Variants in CNOT6L observed in about 807,000 individuals in gnomAD.
CNOT6L encodes the protein CCR4-NOT transcription complex subunit 6-like.
CNOT6L carries 7 observed loss-of-function variants against 64.0 expected under a neutral mutation model. The ratio of observed to expected loss-of-function variants is 0.11; its 90% CI spans 0.06 to 0.21. CNOT6L has a LOEUF of 0.21. Among genes scored for constraint, CNOT6L ranks in the 10% least tolerant of loss-of-function variants. CNOT6L has a pLI of 1.00. For missense variants in CNOT6L, 245 were observed against 669.0 expected, an observed-to-expected ratio of 0.37 and a Z score of 6.99; for synonymous variants, 193 against 243.4, an observed-to-expected ratio of 0.79 and a Z score of 1.93.
intron 1 of CNOT6L, among the ~76,000 whole-genome samples, chr4:77,815,567 A>G (rs973202548): frequency 1.8e-4 from 28 of 152,166 alleles, no homozygotes; most frequent in African/African-American, 6.0e-4. Context: ...ATATGCTAAC[A>G]TCTAAAATAA....
intron 1 of CNOT6L, among the ~76,000 whole-genome samples, chr4:77,812,294 C>T (rs553547658): frequency 5.3e-5 from 8 of 151,698 alleles, no homozygotes; most frequent in African/African-American, 1.9e-4. Context: ...AGAAATTAGC[C>T]AGGCATGGTG....
chr4:77,818,470 C>A (rs1490916067), intron 1 of CNOT6L, among the ~76,000 whole-genome samples: 1 of 152,144 alleles, frequency 6.6e-6, no homozygotes, highest in Non-Finnish European at 1.5e-5. Flanking sequence ...ATCTTACCAA[C>A]GGCAAAGTAT....
chr4:77,803,339 T>C (rs1038831529), intron 1 of CNOT6L, among the ~76,000 whole-genome samples: 1 of 152,156 alleles, frequency 6.6e-6, no homozygotes, highest in Admixed American at 6.5e-5. Context: ...AAAATAAGCA[T>C]ACATCACACA....
chr4:77,772,238 CT>C lies in CNOT6L; in HGVS notation c.400+842del, dbSNP rs1460515178. On this transcript the variant is annotated intron_variant, in intron 4 of 11. Coordinates refer to ENST00000504123, the MANE Select transcript of CNOT6L (RefSeq NM_144571.3). Reference sequence around the variant, plus strand: ...AGACTATTATTAGGTAAAGTAATCCCTTTTTTTTCTTGAGACGGAGTTTCGC... The same window carrying C: ...AGACTATTATTAGGTAAAGTAATCCCTTTTTTTCTTGAGACGGAGTTTCGC... 2.6e-5 allele frequency among the ~76,000 whole-genome samples: 4 copies of C among 152,004 alleles called. No individual in the cohort carries two copies. The East Asian group carries it at 5.8e-4, about 22-fold the overall frequency.
chr4:77,788,323 A>C (rs1298264614), intron 1 of CNOT6L, among the ~76,000 whole-genome samples: 2 of 152,224 alleles, frequency 1.3e-5, no homozygotes, highest in African/African-American at 4.8e-5. Context: ...ACAAAATGAA[A>C]AGCAAGTAAA....
intron 1 of CNOT6L, among the ~76,000 whole-genome samples, chr4:77,787,557 A>G (rs1174445546): frequency 6.6e-6 from 1 of 152,218 alleles, no homozygotes; most frequent in Non-Finnish European, 1.5e-5. Context: ...CTCAGCATAC[A>G]CAATTATAAT....
Position 77,774,779 on chromosome 4 carries a change from A to G in CNOT6L, c.128-63T>C, listed in dbSNP as rs947070126. 2.3e-5 allele frequency: 24 copies of G among 1,047,010 alleles called. No individual in the cohort carries two copies. The South Asian group carries it at 2.9e-4, about 13-fold the overall frequency. The allele number at this position is 1,047,010 out of a possible 1,614,324, so 64.9% of individuals were successfully genotyped here. A position where few individuals can be genotyped will look rare whatever the true frequency, so the allele number is the denominator to read the frequency against. ...AGGCCCAAGATGACACCTAAACTAC[A>G]ACGACTGAAAAGTGGTAAGAGAGGC... On this transcript the variant is annotated intron_variant, in intron 2 of 11. Transcript: ENST00000504123.
intron 9 of CNOT6L, among the ~76,000 whole-genome samples, chr4:77,730,331 A>G (rs569808506): frequency 6.6e-6 from 1 of 152,118 alleles, no homozygotes; most frequent in African/African-American, 2.4e-5. Context: ...TGTCACTTTT[A>G]GCTATAGATT....
rs199615565 is a variant in CNOT6L, at chr4:77,819,355, G to C, written c.-47C>G. ...CAACAGCAGCCATTTCCCCGCGGCA[G>C]GGGAAACACACACACAAACACGCGC... On this transcript the variant is annotated 5_prime_UTR_variant, in exon 1 of 12. Transcript: ENST00000504123. The C allele has an allele frequency of 2.8e-5, 45 of 1,612,672 alleles. No individual in the cohort carries two copies. The Admixed American group carries it at 5.3e-4, about 19-fold the overall frequency.
At chr4:77,785,528 A>C (rs539975507) in intron 1 of CNOT6L, among the ~76,000 whole-genome samples, 1 of 152,312 alleles carries the variant, frequency 6.6e-6, no homozygotes, top group South Asian at 2.1e-4. Flanking sequence ...TGAAAAAAAA[A>C]CACTCCAGAA....
chr4:77,818,670 A>T (rs1733848598), intron 1 of CNOT6L, among the ~76,000 whole-genome samples: 1 of 152,090 alleles, frequency 6.6e-6, no homozygotes, highest in Non-Finnish European at 1.5e-5. Flanking sequence ...GCCTCTCAGG[A>T]GACGCGGAGG....
At chr4:77,743,517 T>TAA (rs1723827490) in intron 7 of CNOT6L, among the ~76,000 whole-genome samples, 1 of 144,536 alleles carries the variant, frequency 6.9e-6, no homozygotes, top group East Asian at 2.1e-4. Flanking sequence ...CTCTGTTACA[T>TAA]AAAAAAATTT....
At chr4:77,814,399 A>G (rs1041571888) in intron 1 of CNOT6L, among the ~76,000 whole-genome samples, 1 of 152,172 alleles carries the variant, frequency 6.6e-6, no homozygotes, top group African/African-American at 2.4e-5. Context: ...GTTGTCCAAA[A>G]AAAAGCAACC....
chr4:77,740,738 C>G (rs757298691), intron 8 of CNOT6L, among the ~76,000 whole-genome samples: 6 of 152,124 alleles, frequency 3.9e-5, no homozygotes, highest in Non-Finnish European at 5.9e-5. Context: ...GACTACATGC[C>G]GATGGTAGTC....
intron 10 of CNOT6L, among the ~76,000 whole-genome samples, chr4:77,727,479 T>C (rs546812226): frequency 4.8e-4 from 70 of 145,316 alleles, no homozygotes; most frequent in Non-Finnish European, 6.7e-4. Flanking sequence ...GGCAGGAGAA[T>C]TGCTTGAACC....
intron 1 of CNOT6L, among the ~76,000 whole-genome samples, chr4:77,797,472 G>A (rs1730992979): frequency 6.6e-6 from 1 of 152,142 alleles, no homozygotes; most frequent in Admixed American, 6.6e-5. Context: ...ACACTGTTTA[G>A]TATACCTGCC....
upstream of CNOT6L, among the ~76,000 whole-genome samples, chr4:77,820,158 C>T (rs1734118117): frequency 6.6e-6 from 1 of 152,094 alleles, no homozygotes; most frequent in Non-Finnish European, 1.5e-5. Context: ...GTTCACACCC[C>T]CGAGGGCCGG....
chr4:77,742,130 CCTTAA>C lies in CNOT6L; in HGVS notation c.872+6_872+10del. On this transcript the variant is annotated splice_donor_region_variant and intron_variant, in intron 8 of 11. Transcript: ENST00000504123. ...AAAAGTACACCATTGTGCTTTGTTTCCTTAACTTACTTTTCTGTTTTGAAGAATAT... is the reference window on the plus strand; with the variant it reads ...AAAAGTACACCATTGTGCTTTGTTTCCTTACTTTTCTGTTTTGAAGAATAT... 1 of 1,609,346 alleles carries C rather than the reference CCTTAA, an allele frequency of 6.2e-7. No homozygotes were observed. Among genetic ancestry groups the C allele is most frequent in the Non-Finnish European group, 8.5e-7 (1 of 1,177,188 alleles).
chr4:77,803,119 T>C (rs182323160), intron 1 of CNOT6L, among the ~76,000 whole-genome samples: 205 of 152,058 alleles, frequency 1.3e-3, no homozygotes, highest in Non-Finnish European at 2.4e-3. Flanking sequence ...TAAACAGCTA[T>C]TAACAAAGTA....
Sources: allele counts gnomAD v4.1 joint callset (sites outside exome capture counted in the v4.1 genomes callset), GRCh38; gene constraint gnomAD v4.1.1; transcripts MANE v1.5; gene names NCBI Gene and HGNC (gene_info 2026-07-23, HGNC 2026-07-21).